Variants in SLC35F3 observed in about 807,000 individuals in gnomAD.
The protein encoded by SLC35F3 is putative thiamine transporter SLC35F3.
Under a neutral mutation model 49.9 loss-of-function variants are expected in SLC35F3, and 25 were observed. That is an observed-to-expected ratio of 0.50 (90% CI 0.37 to 0.70). The LOEUF (loss-of-function observed/expected upper bound fraction) is 0.70, where lower values mean the gene tolerates loss of function less well. SLC35F3 is among the 30% of genes least tolerant of loss of function. The pLI is 0.00. For synonymous variants in SLC35F3, 275 were observed against 265.4 expected (o/e 1.04, Z -0.35); for missense variants, 525 against 639.8 (o/e 0.82, Z 1.94).
intron 2 of SLC35F3, among the ~76,000 whole-genome samples, chr1:234,011,007 T>C (rs1333280574): frequency 6.6e-6 from 1 of 152,198 alleles, no homozygotes; most frequent in Non-Finnish European, 1.5e-5. Context: ...CAAATCCATT[T>C]TACCATAGGC....
At chr1:234,302,266 G>T (rs1483847861) in intron 3 of SLC35F3, among the ~76,000 whole-genome samples, 1 of 152,156 alleles carries the variant, frequency 6.6e-6, no homozygotes, top group Non-Finnish European at 1.5e-5. Context: ...AAACTTTGGG[G>T]ACTGTGCTAA....
chr1:233,964,429 C>T (rs1662863625), intron 2 of SLC35F3, among the ~76,000 whole-genome samples: 3 of 152,192 alleles, frequency 2.0e-5, no homozygotes, highest in East Asian at 1.9e-4. Flanking sequence ...GGAGCTTTCC[C>T]AATGCCAGGC....
intron 2 of SLC35F3, among the ~76,000 whole-genome samples, chr1:233,927,804 A>G (rs1356717686): frequency 6.6e-6 from 1 of 152,178 alleles, no homozygotes; most frequent in Admixed American, 6.5e-5. Flanking sequence ...TTGTTGCTAA[A>G]GAAAACTATC....
intron 2 of SLC35F3, among the ~76,000 whole-genome samples, chr1:234,151,565 T>C: frequency 6.7e-6 from 1 of 150,174 alleles, no homozygotes; most frequent in African/African-American, 2.4e-5. Flanking sequence ...TTAGCAAAAC[T>C]CAGAAATGAG....
chr1:233,963,103 T>A (rs1430286139), intron 2 of SLC35F3, among the ~76,000 whole-genome samples: 1 of 152,186 alleles, frequency 6.6e-6, no homozygotes, highest in Non-Finnish European at 1.5e-5. Context: ...TCGGTAGCTA[T>A]CTTTTCTTTT....
chr1:233,932,166 G>A (rs943384921), intron 2 of SLC35F3, among the ~76,000 whole-genome samples: 7 of 152,146 alleles, frequency 4.6e-5, no homozygotes, highest in Non-Finnish European at 1.0e-4. Flanking sequence ...GGCTAGGAGA[G>A]GGAGAGCATT....
chr1:234,176,717 T>A (rs892245751), intron 2 of SLC35F3, among the ~76,000 whole-genome samples: 1 of 152,042 alleles, frequency 6.6e-6, no homozygotes, highest in Non-Finnish European at 1.5e-5. Flanking sequence ...TCATAAAAAA[T>A]GCAAGTCCCT....
At chr1:234,031,390 C>G (rs4492691) in intron 2 of SLC35F3, among the ~76,000 whole-genome samples, 116,639 of 152,160 alleles carry the variant, frequency 0.77, 45,572 homozygotes, top group African/African-American at 0.92. Context: ...TTCCAGGCTG[C>G]GTATCAATGA....
chr1:233,963,457 C>A (rs778691693), intron 2 of SLC35F3, among the ~76,000 whole-genome samples: 8 of 152,124 alleles, frequency 5.3e-5, no homozygotes, highest in Admixed American at 1.3e-4. Flanking sequence ...CCCGCCACCA[C>A]GCCCAGCTAA....
intron 2 of SLC35F3, among the ~76,000 whole-genome samples, chr1:234,089,116 T>C (rs1665004538): frequency 6.6e-6 from 1 of 151,980 alleles, no homozygotes; most frequent in Non-Finnish European, 1.5e-5. Context: ...CACGAGGCAG[T>C]GTTGGCATTA....
intron 2 of SLC35F3, among the ~76,000 whole-genome samples, chr1:234,220,332 G>T (rs780378252): frequency 3.9e-5 from 6 of 152,104 alleles, no homozygotes; most frequent in Non-Finnish European, 7.4e-5. Flanking sequence ...ATGCTCATAC[G>T]TGTGTGTCAT....
chr1:234,158,864 A>G (rs534506701), intron 2 of SLC35F3, among the ~76,000 whole-genome samples: 6 of 152,232 alleles, frequency 3.9e-5, no homozygotes, highest in African/African-American at 1.4e-4. Context: ...AAGATATTAG[A>G]AAAGAACCCT....
intron 2 of SLC35F3, among the ~76,000 whole-genome samples, chr1:234,157,382 C>T (rs1381864097): frequency 6.6e-6 from 1 of 152,108 alleles, no homozygotes; most frequent in Non-Finnish European, 1.5e-5. Context: ...CAGAACCGTC[C>T]GTGGACTCCT....
chr1:234,021,370 C>T (rs1181505421), intron 2 of SLC35F3, among the ~76,000 whole-genome samples: 1 of 152,152 alleles, frequency 6.6e-6, no homozygotes, highest in East Asian at 1.9e-4. Context: ...CATCAGAAAC[C>T]CGAAGACCCC....
At chr1:234,043,208 C>A (rs1396251712) in intron 2 of SLC35F3, among the ~76,000 whole-genome samples, 2 of 152,174 alleles carry the variant, frequency 1.3e-5, no homozygotes, top group African/African-American at 4.8e-5. Context: ...TGATGTTCAT[C>A]TTTCCTAGGT....
rs556303282 is a variant in SLC35F3, at chr1:233,974,336, C to G, written c.283+68578C>G. On this transcript the variant is annotated intron_variant, in intron 2 of 7. Coordinates refer to ENST00000366618, the MANE Select transcript of SLC35F3 (RefSeq NM_173508.4). ...AGTAGCTGGGATTACAGGTGCCCAC[C>G]ACCACCCTCGGCAGATTTTGTATTT... Among the ~76,000 whole-genome samples, 4 of 151,938 alleles carry G rather than the reference C, an allele frequency of 2.6e-5. No individual in the cohort carries two copies. The South Asian group carries it at 8.3e-4, about 32-fold the overall frequency.
intron 2 of SLC35F3, among the ~76,000 whole-genome samples, chr1:234,098,927 G>A (rs1230753769): frequency 2.0e-5 from 3 of 149,294 alleles, no homozygotes; most frequent in South Asian, 2.2e-4. Flanking sequence ...GTGGCAGTTC[G>A]GATGGTGGTG....
At chr1:233,934,922 C>A (rs531523585) in intron 2 of SLC35F3, among the ~76,000 whole-genome samples, 1 of 151,294 alleles carries the variant, frequency 6.6e-6, no homozygotes, top group African/African-American at 2.4e-5. Context: ...ATCAGTGTAT[C>A]ATGTGAAAAA....
chr1:234,139,999 T>TGAAATG (rs1665878391), intron 2 of SLC35F3, among the ~76,000 whole-genome samples: 1 of 110,004 alleles, frequency 9.1e-6, no homozygotes, highest in Non-Finnish European at 2.2e-5. Flanking sequence ...TAAAATAAAA[T>TGAAATG]AAAGTAAGTG....
Sources: gnomAD v4.1 joint callset for allele counts (sites outside exome capture counted in the v4.1 genomes callset) on GRCh38, gnomAD v4.1.1 for gene constraint, MANE v1.5 for transcripts, NCBI Gene and HGNC (gene_info 2026-07-23, HGNC 2026-07-21) for gene names.